PMEPA1: variants seen among roughly 807,000 people sequenced by gnomAD.
The protein encoded by PMEPA1 is protein TMEPAI.
Under a neutral mutation model 23.0 loss-of-function variants are expected in PMEPA1, and 11 were observed. That is an observed-to-expected ratio of 0.48 (90% CI 0.30 to 0.79). The LOEUF is 0.79. Ranked by LOEUF, PMEPA1 falls within the 30% of genes least tolerant of loss-of-function variation. The pLI is 0.06. For synonymous variants in PMEPA1, 204 were observed against 166.4 expected, an observed-to-expected ratio of 1.23 and a Z score of -1.74; for missense variants, 377 against 390.9, an observed-to-expected ratio of 0.96 and a Z score of 0.30.
chr20:57,710,249 C>T (rs2072157085), upstream of PMEPA1: 2 of 578,258 alleles, frequency 3.5e-6, no homozygotes, highest in Admixed American at 8.2e-5. Context: ...CAGCTTGGAA[C>T]GCCTGCCCGG....
chr20:57,659,919 G>T (rs144390294), intron 1 of PMEPA1, among the ~76,000 whole-genome samples: 1,601 of 152,354 alleles, frequency 0.011, 7 homozygotes, highest in Non-Finnish European at 0.016. Flanking sequence ...ACTGCTGGCT[G>T]GGAGAGCACC....
At chr20:57,710,569 A>G (rs2072165923), upstream of PMEPA1, 2 of 1,212,724 alleles carry the variant, frequency 1.6e-6, no homozygotes, top group African/African-American at 1.6e-5. Context: ...GAGGACGACC[A>G]GGAAAGACGG....
Position 57,652,170 on chromosome 20 carries a change from G to T in PMEPA1, c.747C>A (p.Ser249Arg). ...CCTCCAGCAAGGAGGGCGGCCCACTGCTCTGCTGGTGCTGGAAGGAGGACC... is the reference window on the plus strand; with the variant it reads ...CCTCCAGCAAGGAGGGCGGCCCACTTCTCTGCTGGTGCTGGAAGGAGGACC... Reference protein sequence around the residue: ...YPGSSFQHQQSSGPPSLLEGT... With the variant: ...YPGSSFQHQQRSGPPSLLEGT... The change falls in exon 4 of 4, where the codon AGC becomes AGA. Residue 249 changes from serine (S) to arginine (R), a missense_variant. Ser to Arg is a moderately radical substitution (Grantham distance 110). This residue lies in a region of PMEPA1 where 176 missense variants were observed against 173.0 expected (regional missense o/e 1.02). Transcript: ENST00000341744. The surrounding 1 kb of genome is among the most constrained non-coding windows in gnomAD (Gnocchi z 6.1). 1 of 1,607,932 alleles carries T rather than the reference G, an allele frequency of 6.2e-7. No individual in the cohort carries two copies. The highest frequency in any genetic ancestry group is 8.5e-7 in the Non-Finnish European group (1 of 1,177,644).
At chr20:57,710,113 C>T (rs2072152868), upstream of PMEPA1, 11 of 869,212 alleles carry the variant, frequency 1.3e-5, no homozygotes, top group South Asian at 1.1e-4. Context: ...GCACCCCCTC[C>T]CCGAGCCGGG....
intron 1 of PMEPA1, among the ~76,000 whole-genome samples, chr20:57,680,979 C>T (rs563252874): frequency 4.0e-4 from 61 of 151,086 alleles, no homozygotes; most frequent in African/African-American, 1.5e-3. Context: ...TCCCACGGGT[C>T]GGGGCCGGGT....
intron 1 of PMEPA1, among the ~76,000 whole-genome samples, chr20:57,691,615 A>C (rs2146698138): frequency 6.6e-6 from 1 of 152,206 alleles, no homozygotes; most frequent in East Asian, 1.9e-4. Context: ...TTTTCCCCCG[A>C]AGAAAATCAT....
At chr20:57,700,789 A>C (rs6025729) in intron 1 of PMEPA1, among the ~76,000 whole-genome samples, 1,739 of 152,344 alleles carry the variant, frequency 0.011, 21 homozygotes, top group East Asian at 0.038. Flanking sequence ...GCACTTTGGG[A>C]GGCTGAGGCG....
rs6099716 is a variant in PMEPA1 at position 57,678,502 on chromosome 20, G to C, written c.110-18805C>G. Among the ~76,000 whole-genome samples, 630 of 152,298 alleles carry C rather than the reference G, an allele frequency of 4.1e-3. 4 individuals are homozygous for C. Among genetic ancestry groups the C allele is most frequent in the African/African-American group, 0.015 (606 of 41,564 alleles). ...GCCCAGGCCTGGCACTGGGGGAGGG[G>C]GTTAGTTTCCTGCAAAGGGAGGGTA... On this transcript the variant is annotated intron_variant, in intron 1 of 3. Coordinates refer to ENST00000341744, the MANE Select transcript of PMEPA1 (RefSeq NM_020182.5).
chr20:57,703,917 T>G (rs1305997031), intron 1 of PMEPA1, among the ~76,000 whole-genome samples: 2 of 152,020 alleles, frequency 1.3e-5, no homozygotes, highest in Non-Finnish European at 2.9e-5. Context: ...CAGGGACTAT[T>G]ATCACCCCAC....
Position 57,682,751 on chromosome 20 carries a change from A to G in PMEPA1, c.110-23054T>C, listed in dbSNP as rs970796746. Among the ~76,000 whole-genome samples, 3 of 152,254 alleles carry G rather than the reference A, an allele frequency of 2.0e-5. No homozygotes were observed. Among genetic ancestry groups the G allele is most frequent in the African/African-American group, 7.2e-5 (3 of 41,464 alleles). On this transcript the variant is annotated intron_variant, in intron 1 of 3. Coordinates refer to ENST00000341744, the MANE Select transcript of PMEPA1 (RefSeq NM_020182.5). This position sits in a 1 kb window ranked among gnomAD's most constrained non-coding sequence, Gnocchi z 4.4. The stretch of plus-strand genomic sequence containing the variant: ...CTCCTCCTGGAGGAAGGAAAGTTCA[A>G]TGGATGAGCTATAAATATTTCTGCT...
intron 1 of PMEPA1, among the ~76,000 whole-genome samples, chr20:57,693,533 G>A (rs938040488): frequency 6.6e-6 from 1 of 152,226 alleles, no homozygotes; most frequent in Non-Finnish European, 1.5e-5. Context: ...CAGGTGGCAG[G>A]TGTAACTGCA....
In PMEPA1 at chr20:57,671,697, A is replaced by G. The variant is rs578156998; in HGVS notation, c.110-12000T>C. 3.0e-3 allele frequency among the ~76,000 whole-genome samples: 453 copies of G among 152,282 alleles called. 3 individuals are homozygous for G. The highest frequency in any genetic ancestry group is 0.011 in the African/African-American group (439 of 41,542). ...TGAGGCCATTAAAACTGATGACATA[A>G]ATCTACGCTGAGCTCTGAGCAGGGG... On this transcript the variant is annotated intron_variant, in intron 1 of 3. Coordinates refer to ENST00000341744, the MANE Select transcript of PMEPA1 (RefSeq NM_020182.5).
At chr20:57,679,417 T>C (rs1420662694) in intron 1 of PMEPA1, among the ~76,000 whole-genome samples, 1 of 152,196 alleles carries the variant, frequency 6.6e-6, no homozygotes, top group Admixed American at 6.5e-5. Flanking sequence ...ATAGACAACG[T>C]GAACTTGAAA....
At position 57,708,426 on chromosome 20, in the gene PMEPA1, T is replaced by A. The variant is rs373713366; in HGVS notation, c.109+1048A>T. 5.8e-4 allele frequency among the ~76,000 whole-genome samples: 89 copies of A among 152,296 alleles called. No homozygotes were observed. The East Asian group carries it at 0.016, about 27-fold the overall frequency. On this transcript the variant is annotated intron_variant, in intron 1 of 3. Coordinates refer to ENST00000341744, the MANE Select transcript of PMEPA1 (RefSeq NM_020182.5). The stretch of plus-strand genomic sequence containing the variant: ...TGGTTCAATTCTCCACTCAACCAAA[T>A]GTCCACCTAGGTGGGCTGTGTGTGC...
chr20:57,702,680 G>C (rs1041704878), intron 1 of PMEPA1, among the ~76,000 whole-genome samples: 19 of 152,292 alleles, frequency 1.2e-4, no homozygotes, highest in African/African-American at 4.6e-4. Flanking sequence ...TCCCAATGGA[G>C]CATCAGTTCC....
intron 1 of PMEPA1, among the ~76,000 whole-genome samples, chr20:57,664,614 G>A (rs1340231554): frequency 6.7e-6 from 1 of 149,726 alleles, no homozygotes; most frequent in African/African-American, 2.5e-5. Context: ...ATTCCCAGTC[G>A]CAGCTTGAGA....
chr20:57,695,796 C>T (rs1236593445), intron 1 of PMEPA1, among the ~76,000 whole-genome samples: 1 of 152,138 alleles, frequency 6.6e-6, no homozygotes, highest in African/African-American at 2.4e-5. Context: ...GCTTAGCGGG[C>T]TTAACTCTGC....
chr20:57,663,091 G>A (rs1186994416), intron 1 of PMEPA1, among the ~76,000 whole-genome samples: 1 of 152,226 alleles, frequency 6.6e-6, no homozygotes, highest in Non-Finnish European at 1.5e-5. Context: ...GCTCAGTAGC[G>A]CATAAGAGCG....
rs2146628862 is a variant in PMEPA1, at chr20:57,650,213, T to C, written c.*1840A>G. On this transcript the variant is annotated 3_prime_UTR_variant, in exon 4 of 4. Coordinates refer to ENST00000341744, the MANE Select transcript of PMEPA1 (RefSeq NM_020182.5). ...GTGCTCAGGTTTTTGTTTTGGAAGT[T>C]ATAAAAAAGTTGCTCACAAACAATA... The C allele has an allele frequency of 6.6e-6, 1 of 152,352 alleles. No individual in the cohort carries two copies. Among genetic ancestry groups the C allele is most frequent in the African/African-American group, 2.4e-5 (1 of 41,598 alleles). 9.4% of individuals were successfully genotyped at this position (152,352 alleles called of 1,614,324 possible). A position where few individuals can be genotyped will look rare whatever the true frequency, so the allele number is the denominator to read the frequency against.
Sources: allele counts gnomAD v4.1 joint callset (sites outside exome capture counted in the v4.1 genomes callset), GRCh38; gene constraint gnomAD v4.1.1; regional missense constraint gnomAD v4.1.1; non-coding constraint Gnocchi (gnomAD v3.1); transcripts MANE v1.5; gene names NCBI Gene and HGNC (gene_info 2026-07-23, HGNC 2026-07-21).